The following CLUH variants were observed in gnomAD, a reference collection of about 807,000 sequenced individuals.
The protein encoded by CLUH is CLUH binding protein of NUMT mRNA.
A neutral mutation model predicts 139.3 loss-of-function variants in CLUH; 77 were observed. That is an observed-to-expected ratio of 0.55 (90% CI 0.46 to 0.67). The LOEUF is 0.67. CLUH is among the 30% of genes least tolerant of loss of function. The probability of loss-of-function intolerance (pLI) is 0.00; values close to 1 mark genes in which losing one functional copy is unlikely to be tolerated. For missense variants in CLUH, 1,876 were observed against 1,875.8 expected, an observed-to-expected ratio of 1.00 and a Z score of 0.00; for synonymous variants, 999 against 801.6, an observed-to-expected ratio of 1.25 and a Z score of -4.16.
At chr17:2,711,765 G>A (rs2070530600), upstream of CLUH, 3 of 363,076 alleles carry the variant, frequency 8.3e-6, no homozygotes, top group Non-Finnish European at 1.1e-5. Context: ...CGGAGTCACC[G>A]GCCCACGTGG....
chr17:2,696,949 C>T lies in CLUH; in HGVS notation c.1962-7G>A. ...CTTCATAAAGAGGAGGTACCTGGAG[C>T]AGAGGAAACAGGGCAGAGCAGGAGC... On this transcript the variant is annotated splice_region_variant and splice_polypyrimidine_tract_variant and intron_variant, in intron 10 of 25. Transcript: ENST00000651024. The T allele has an allele frequency of 6.4e-7, 1 of 1,555,270 alleles. No individual in the cohort carries two copies.
Position 2,690,220 on chromosome 17 carries a change from C to A in CLUH, c.*374G>T, listed in dbSNP as rs549303821. 4.5e-6 allele frequency: 1 copy of A among 222,982 alleles called. No homozygotes were observed. Among genetic ancestry groups the A allele is most frequent in the Admixed American group, 5.8e-5 (1 of 17,284 alleles). The allele number at this position is 222,982 out of a possible 1,614,324, so 13.8% of individuals were successfully genotyped here. A position where few individuals can be genotyped will look rare whatever the true frequency, so the allele number is the denominator to read the frequency against. Reference sequence around the variant, plus strand: ...TGCGCGTCACCCACTCAGGAGTCACCCACTCAGGACTGGCTCGGGCTATGT... The same window carrying A: ...TGCGCGTCACCCACTCAGGAGTCACACACTCAGGACTGGCTCGGGCTATGT... On this transcript the variant is annotated 3_prime_UTR_variant, in exon 26 of 26. Transcript: ENST00000651024.
At chr17:2,702,917 C>G (rs1021030923) in intron 3 of CLUH, among the ~76,000 whole-genome samples, 5 of 152,090 alleles carry the variant, frequency 3.3e-5, no homozygotes, top group Non-Finnish European at 7.4e-5. Context: ...CTCTGCCTCC[C>G]AGGTTCAAGT....
chr17:2,696,896 T>C lies in CLUH; in HGVS notation c.2008A>G (p.Asn670Asp). The C allele has an allele frequency of 6.2e-7, 1 of 1,610,604 alleles. No individual in the cohort carries two copies. Among genetic ancestry groups the C allele is most frequent in the Non-Finnish European group, 8.5e-7 (1 of 1,178,678 alleles). Residue 670 changes from asparagine (N) to aspartate (D), a missense_variant, in exon 11 of 26, where the codon AAC (asparagine) becomes GAC (aspartate). Around this residue, in one of 3 missense-constraint regions of CLUH, gnomAD observed 1,454 missense variants for 1,384.4 expected, o/e 1.05. Coordinates refer to ENST00000651024, the MANE Select transcript of CLUH (RefSeq NM_001366661.1). Reference protein sequence around the residue: ...KLAALQLMQQNASQLETPSSL... With the variant: ...KLAALQLMQQDASQLETPSSL... ...GAGGGGGTCTCCAGCTGGCTGGCGT[T>C]CTGCTGCATCAGCTGCAAGGCGGCC... is the stretch of plus-strand genomic sequence containing the variant.
At chr17:2,708,097 A>G in intron 1 of CLUH, 1 of 740,822 alleles carries the variant, frequency 1.3e-6, no homozygotes, top group Non-Finnish European at 1.6e-6. Flanking sequence ...CCAGCTGGCC[A>G]GGGCGCCTTC....
rs776235025 is a variant in CLUH, at chr17:2,692,792, G to T, written c.3300C>A (p.Thr1100=). The T allele has an allele frequency of 4.4e-6, 7 of 1,601,274 alleles. No homozygotes were observed. Among genetic ancestry groups the T allele is most frequent in the Non-Finnish European group, 6.0e-6 (7 of 1,171,206 alleles). The part of the protein sequence containing the change: ...ERVMGTEHPN[T]IQEYMHLALY... ...ACTCGCGACTCACGTATTCCTGGAT[G>T]GTGTTGGGGTGCTCGGTGCCCATCA... is the stretch of plus-strand genomic sequence containing the variant. Residue 1100 remains threonine (T), a synonymous_variant, in exon 20 of 26, where the codon ACC becomes ACA. Coordinates refer to ENST00000651024, the MANE Select transcript of CLUH (RefSeq NM_001366661.1).
At chr17:2,708,249 C>A (rs973708064) in intron 1 of CLUH, among the ~76,000 whole-genome samples, 4 of 152,192 alleles carry the variant, frequency 2.6e-5, no homozygotes, top group African/African-American at 9.7e-5. Flanking sequence ...TGCTTCACAG[C>A]CCCCATGGAA....
At chr17:2,701,870 T>C in intron 4 of CLUH, 44 bp downstream of exon 4, 1 of 1,610,410 alleles carries the variant, frequency 6.2e-7, no homozygotes, top group Non-Finnish European at 8.5e-7. Flanking sequence ...ACCTCCGTGC[T>C]CCCCGCCCTT....
chr17:2,703,495 G>T lies in CLUH; in HGVS notation c.304-6C>A. On this transcript the variant is annotated splice_region_variant and splice_polypyrimidine_tract_variant and intron_variant, in intron 2 of 25. Transcript: ENST00000651024. This position sits in a 1 kb window ranked among gnomAD's most constrained non-coding sequence, Gnocchi z 4.2. ...ACCATCTCCTGGGGGGACACCTGCAGGGAGAAGGCCCCGCCCACCCCGGTG... is the reference window on the plus strand; with the variant it reads ...ACCATCTCCTGGGGGGACACCTGCATGGAGAAGGCCCCGCCCACCCCGGTG... The T allele has an allele frequency of 6.2e-7, 1 of 1,611,910 alleles. No homozygotes were observed.
At position 2,690,740 on chromosome 17, in the gene CLUH, G is replaced by A. The variant is rs1039086991; in HGVS notation, c.3901C>T (p.Arg1301Trp). ...DLENLKAEVA[R>W]RHQLQEASRN... ...CTGGCCTCCTGGAGCTGGTGCCGCC[G>A]CGCCACCTCGGCTTTCAGATTCTCC... The change falls in exon 26 of 26, where the codon CGG becomes TGG. Residue 1301 changes from arginine to tryptophan, a missense_variant. Arg to Trp is a moderately radical substitution (Grantham distance 101). Transcript: ENST00000651024. The A allele has an allele frequency of 1.9e-6, 3 of 1,542,406 alleles. No individual in the cohort carries two copies. In the African/African-American group the frequency reaches 4.3e-5, roughly 22 times the overall value.
In CLUH at chr17:2,690,468, G is replaced by A. The variant is rs1179064367; in HGVS notation, c.*126C>T. 3.7e-6 allele frequency: 3 copies of A among 816,178 alleles called. No individual in the cohort carries two copies. The highest frequency in any genetic ancestry group is 3.9e-4 in the Middle Eastern group (1 of 2,584). 50.6% of individuals were successfully genotyped at this position (816,178 alleles called of 1,614,324 possible). ...CAGGCTCCCAGGAGGACACGGGGGT[G>A]GGGTGGGGTGAGACGTGGAGGAAGA... On this transcript the variant is annotated 3_prime_UTR_variant, in exon 26 of 26. Transcript: ENST00000651024.
chr17:2,696,657 G>T (rs2069958242), intron 11 of CLUH, 62 bp downstream of exon 11: 1 of 1,583,064 alleles, frequency 6.3e-7, no homozygotes, highest in African/African-American at 1.3e-5. Context: ...CCAGGTGGGG[G>T]TCATAAGCCA....
At chr17:2,692,992 G>A (rs1567578728) in intron 19 of CLUH, 132 bp from the exon 20 acceptor site, 7 of 788,516 alleles carry the variant, frequency 8.9e-6, no homozygotes, top group Non-Finnish European at 1.3e-5. Flanking sequence ...CCAGCACAGT[G>A]CAGCAGGGGG....
rs1446868845 is a variant in CLUH, at chr17:2,691,897, T to C, written c.3655-2A>G. 1.3e-6 allele frequency: 2 copies of C among 1,529,660 alleles called. No homozygotes were observed. The highest frequency in any genetic ancestry group is 1.8e-6 in the Non-Finnish European group (2 of 1,140,858). 94.8% of individuals were successfully genotyped at this position (1,529,660 alleles called of 1,614,324 possible). ...GGTCTTCTCATGGTCCTCGCCCAGC[T>C]GCGGGGAGGCGGGAAGGGATCAGGC... is the stretch of plus-strand genomic sequence containing the variant. On this transcript the variant is annotated splice_acceptor_variant, in intron 23 of 25. Transcript: ENST00000651024. LOFTEE classifies it high-confidence loss of function.
At position 2,706,900 on chromosome 17, in the gene CLUH, A is replaced by C. The variant is rs1385491651; in HGVS notation, c.101-2336T>G. Among the ~76,000 whole-genome samples, 1 of 152,182 alleles carries C rather than the reference A, an allele frequency of 6.6e-6. No homozygotes were observed. The highest frequency in any genetic ancestry group is 1.5e-5 in the Non-Finnish European group (1 of 68,040). On this transcript the variant is annotated intron_variant, in intron 1 of 25. Transcript: ENST00000651024. This position sits in a 1 kb window ranked among gnomAD's most constrained non-coding sequence, Gnocchi z 4.6. The stretch of plus-strand genomic sequence containing the variant: ...AGCCTGTGTTCTTTCGCATGTCTGG[A>C]ATGGGAGGACAGAAAGGAGGGACGA...
rs1373046902 is a variant in CLUH, at chr17:2,707,792, C to T, written c.101-3228G>A. 1.6e-5 allele frequency: 16 copies of T among 985,456 alleles called. No homozygotes were observed. Among genetic ancestry groups the T allele is most frequent in the Non-Finnish European group, 1.8e-5 (15 of 829,930 alleles). 61.0% of individuals were successfully genotyped at this position (985,456 alleles called of 1,614,324 possible). A position where few individuals can be genotyped will look rare whatever the true frequency, so the allele number is the denominator to read the frequency against. Reference sequence around the variant, plus strand: ...CCAGACACTGAGCACCCCACTGTCCCTGGGCCAAGGGCCTGGCTGGGACCT... The same window carrying T: ...CCAGACACTGAGCACCCCACTGTCCTTGGGCCAAGGGCCTGGCTGGGACCT... On this transcript the variant is annotated intron_variant, in intron 1 of 25. Coordinates refer to ENST00000651024, the MANE Select transcript of CLUH (RefSeq NM_001366661.1). The surrounding 1 kb of genome is among the most constrained non-coding windows in gnomAD (Gnocchi z 7.4).
intron 1 of CLUH, among the ~76,000 whole-genome samples, chr17:2,710,664 G>A (rs1053122918): frequency 6.6e-6 from 1 of 152,118 alleles, no homozygotes; most frequent in Non-Finnish European, 1.5e-5. Context: ...ACGGTGGAGG[G>A]AACAGAAGGA....
chr17:2,694,431 AGCGGGG>A (rs768824736), intron 17 of CLUH, 43 bp downstream of exon 17: 11 of 76,632 alleles, frequency 1.4e-4, no homozygotes, highest in Non-Finnish European at 1.9e-4. Context: ...GCAGGGACGC[AGCGGGG>A]ACACAGCGGG....
rs762920735 is a variant in CLUH at position 2,698,475 on chromosome 17, T to A, written c.1382A>T (p.Asn461Ile). 3 of 1,613,256 alleles carry A rather than the reference T, an allele frequency of 1.9e-6. No individual in the cohort carries two copies. The highest frequency in any genetic ancestry group is 1.1e-5 in the South Asian group (1 of 91,084). ...ETKMQMFIWN[N>I]IFFSLGFDVR... ...GTCGAAGCCCAGGCTGAAGAAGATG[T>A]TGTTCCAGATGAACATCTGCATCTT... Residue 461 changes from asparagine (N) to isoleucine (I), a missense_variant, in exon 10 of 26, where the codon AAC becomes ATC. By Grantham distance (149) the Asn-to-Ile change is moderately radical. This residue lies in a region of CLUH where 1,454 missense variants were observed against 1,384.4 expected (regional missense o/e 1.05). Transcript: ENST00000651024.
Sources: gnomAD v4.1 joint callset for allele counts (sites outside exome capture counted in the v4.1 genomes callset) on GRCh38, gnomAD v4.1.1 for gene constraint, gnomAD v4.1.1 regional missense constraint, Gnocchi (gnomAD v3.1) non-coding constraint, MANE v1.5 for transcripts, NCBI Gene and HGNC (gene_info 2026-07-23, HGNC 2026-07-21) for gene names.